The following FAAH2 variants were observed in gnomAD, a reference collection of about 807,000 sequenced individuals.
FAAH2 encodes fatty acid amide hydrolase 2, also known as fatty-acid amide hydrolase 2.
Under a neutral mutation model 36.9 loss-of-function variants are expected in FAAH2, and 60 were observed. The ratio of observed to expected loss-of-function variants is 1.63; its 90% CI spans 1.32 to 2.02. The LOEUF is 2.02. FAAH2 is among the 30% of genes most tolerant of loss of function. FAAH2 has a pLI of 0.00. For synonymous variants in FAAH2, 214 were observed against 143.8 expected (o/e 1.49, Z -3.49); for missense variants, 689 against 397.5 (o/e 1.73, Z -6.23).
intron 7 of FAAH2, among the ~76,000 whole-genome samples, chrX:57,396,595 A>C (rs902158527): frequency 9.0e-6 from 1 of 111,422 alleles, no homozygotes; most frequent in Non-Finnish European, 1.9e-5. Context: ...TTTACCCAAA[A>C]GTCATGCAGG....
At chrX:57,434,302 C>T (rs1239714018) in intron 8 of FAAH2, among the ~76,000 whole-genome samples, 6 of 109,040 alleles carry the variant, frequency 5.5e-5, no homozygotes, top group African/African-American at 2.0e-4. Context: ...GTCTCAAACT[C>T]CTGACCTCAG....
At chrX:57,363,336 T>C (rs2054331638) in intron 5 of FAAH2, among the ~76,000 whole-genome samples, 1 of 111,752 alleles carries the variant, frequency 8.9e-6, no homozygotes, top group Non-Finnish European at 1.9e-5. Flanking sequence ...GTGGCTATCA[T>C]AAATATATTA....
At chrX:57,452,328 A>G in intron 10 of FAAH2, 2 of 754,309 alleles carry the variant, frequency 2.7e-6, no homozygotes, top group South Asian at 6.7e-5. Flanking sequence ...CAAAATCATA[A>G]CATGCCACTC....
chrX:57,134,922 C>T, the FAAH2 span: 1 of 111,956 alleles, frequency 8.9e-6, no homozygotes, highest in Non-Finnish European at 1.9e-5. Context: ...TCATTCCTGT[C>T]AACATGCTCT....
the FAAH2 span, among the ~76,000 whole-genome samples, chrX:57,166,311 C>G: frequency 1.8e-5 from 2 of 111,952 alleles, no homozygotes; most frequent in African/African-American, 3.2e-5. Context: ...ACCTGGGATA[C>G]AGAAATCCTT....
At chrX:57,255,515 G>A in the FAAH2 span, among the ~76,000 whole-genome samples, 1 of 111,826 alleles carries the variant, frequency 8.9e-6, no homozygotes, top group Non-Finnish European at 1.9e-5. Flanking sequence ...AGATCAAGGA[G>A]AACATCCTCA....
the FAAH2 span, among the ~76,000 whole-genome samples, chrX:57,152,538 C>G: frequency 8.9e-6 from 1 of 112,196 alleles, no homozygotes; most frequent in Non-Finnish European, 1.9e-5. Context: ...TAGCAATCAG[C>G]GAGACTCCGT....
the FAAH2 span, among the ~76,000 whole-genome samples, chrX:57,209,056 A>C: frequency 1.8e-5 from 2 of 111,835 alleles, no homozygotes; most frequent in African/African-American, 6.5e-5. Context: ...TCAACAGCCT[A>C]GGACTCTCCT....
chrX:57,216,542 A>G, the FAAH2 span, among the ~76,000 whole-genome samples: 1 of 50,748 alleles, frequency 2.0e-5, no homozygotes, highest in Non-Finnish European at 3.0e-5. Flanking sequence ...ATATATATAT[A>G]CGTATATGTA....
the FAAH2 span, among the ~76,000 whole-genome samples, chrX:57,252,897 C>A: frequency 1.8e-5 from 2 of 112,332 alleles, no homozygotes; most frequent in Non-Finnish European, 3.8e-5. Flanking sequence ...AGGGCACAAA[C>A]CTGGATGGAG....
chrX:57,267,550 C>T, the FAAH2 span, among the ~76,000 whole-genome samples: 2 of 112,463 alleles, frequency 1.8e-5, no homozygotes, highest in Non-Finnish European at 3.8e-5. Flanking sequence ...CCTTGGCTGC[C>T]TTGCCTCCAC....
At position 57,452,386 on chromosome X, in the gene FAAH2, G is replaced by A. The variant is rs896454166; in HGVS notation, c.1423+3668G>A. 8.3e-6 allele frequency: 6 copies of A among 722,374 alleles called. No homozygotes were observed. In the East Asian group the frequency reaches 6.2e-4, roughly 74 times the overall value. The allele number at this position is 722,374 out of a possible 1,213,427, so 59.5% of individuals were successfully genotyped here. On this transcript the variant is annotated intron_variant, in intron 10 of 10. Coordinates refer to ENST00000374900, the MANE Select transcript of FAAH2 (RefSeq NM_174912.4). ...TGCCAGTCATTAACAATTGATCACAGCATTCTTTTTCTCTGAGAACAAACT... is the reference window on the plus strand; with the variant it reads ...TGCCAGTCATTAACAATTGATCACAACATTCTTTTTCTCTGAGAACAAACT...
the FAAH2 span, among the ~76,000 whole-genome samples, chrX:57,129,161 T>C: frequency 8.9e-6 from 1 of 111,860 alleles, no homozygotes; most frequent in Non-Finnish European, 1.9e-5. Context: ...TGAGATCAGA[T>C]AGAGCACTGC....
At position 57,302,308 on chromosome X, in the gene FAAH2, A is replaced by G. The variant is rs73515098; in HGVS notation, c.276-8285A>G. 4.2e-3 allele frequency among the ~76,000 whole-genome samples: 469 copies of G among 111,876 alleles called. 1 individual carries two copies. The highest frequency in any genetic ancestry group is 0.015 in the African/African-American group (459 of 30,831). ...CTTTCTAAAGGGGAAAATAATATGGACCCTCAAAATTTATAGTTTTATGGA... is the reference window on the plus strand; with the variant it reads ...CTTTCTAAAGGGGAAAATAATATGGGCCCTCAAAATTTATAGTTTTATGGA... On this transcript the variant is annotated intron_variant, in intron 2 of 10. Transcript: ENST00000374900.
chrX:57,198,991 A>T, the FAAH2 span, among the ~76,000 whole-genome samples: 1,279 of 110,428 alleles, frequency 0.012, 17 homozygotes, highest in African/African-American at 0.041. Flanking sequence ...TTTCTTTCAA[A>T]GGGTCTGGGA....
intron 3 of FAAH2, among the ~76,000 whole-genome samples, chrX:57,319,556 T>C (rs763632746): frequency 6.5e-4 from 73 of 112,205 alleles, no homozygotes; most frequent in African/African-American, 2.3e-3. Context: ...TTCATGCTCA[T>C]GGGTAGAAAG....
At chrX:57,430,098 G>A (rs1386280989) in intron 7 of FAAH2, among the ~76,000 whole-genome samples, 3 of 111,432 alleles carry the variant, frequency 2.7e-5, no homozygotes, top group African/African-American at 9.8e-5. Context: ...ACATTATTAG[G>A]TTGATGGCTA....
the FAAH2 span, among the ~76,000 whole-genome samples, chrX:57,140,974 A>AT: frequency 4.5e-5 from 5 of 111,550 alleles, no homozygotes; most frequent in African/African-American, 1.3e-4. Flanking sequence ...CATGAAACTA[A>AT]TTTTTTTGTG....
At chrX:57,145,917 G>A in the FAAH2 span, among the ~76,000 whole-genome samples, 1 of 111,287 alleles carries the variant, frequency 9.0e-6, no homozygotes, top group Non-Finnish European at 1.9e-5. Flanking sequence ...ATTGGTCTAT[G>A]TGCCTGTTTT....
Sources: gnomAD v4.1 joint callset for allele counts (sites outside exome capture counted in the v4.1 genomes callset) on GRCh38, gnomAD v4.1.1 for gene constraint, MANE v1.5 for transcripts, NCBI Gene and HGNC (gene_info 2026-07-23, HGNC 2026-07-21) for gene names.